Variants in NPM1 observed in about 807,000 individuals in gnomAD.
NPM1 encodes nucleophosmin 1.
Under a neutral mutation model 44.1 loss-of-function variants are expected in NPM1, and 1 was observed. That is an observed-to-expected ratio of 0.02 (90% CI 0.01 to 0.11). The LOEUF (loss-of-function observed/expected upper bound fraction) is 0.11, where lower values mean the gene tolerates loss of function less well. NPM1 is among the 10% of genes least tolerant of loss of function. NPM1 has a pLI of 1.00. For missense variants in NPM1, 197 were observed against 347.8 expected, an observed-to-expected ratio of 0.57 and a Z score of 3.45; for synonymous variants, 126 against 111.8, an observed-to-expected ratio of 1.13 and a Z score of -0.80.
intron 9 of NPM1, chr5:171,406,434 G>C: frequency 6.2e-7 from 1 of 1,612,588 alleles, no homozygotes; most frequent in South Asian, 1.1e-5. Context: ...TGTAAATTAA[G>C]CCCAAAGATG....
chr5:171,397,797 G>T (rs1271686539), intron 6 of NPM1, among the ~76,000 whole-genome samples: 3 of 139,798 alleles, frequency 2.1e-5, no homozygotes, highest in Non-Finnish European at 3.1e-5. Flanking sequence ...TGCCTGGCAA[G>T]AATTCTTTTT....
intron 3 of NPM1, 104 bp downstream of exon 3, chr5:171,391,528 T>C (rs1225417501): frequency 1.4e-6 from 2 of 1,440,192 alleles, no homozygotes; most frequent in Non-Finnish European, 1.9e-6. Context: ...AGTGGTTCTT[T>C]ATCTTCTGTC....
chr5:171,387,419 G>A (rs932810447), upstream of NPM1, among the ~76,000 whole-genome samples: 2 of 152,182 alleles, frequency 1.3e-5, no homozygotes, highest in Non-Finnish European at 2.9e-5. Flanking sequence ...GGGGAAAGGT[G>A]AATCGAGGTG....
At chr5:171,397,329 C>T (rs79144986) in intron 6 of NPM1, among the ~76,000 whole-genome samples, 4,273 of 152,264 alleles carry the variant, frequency 0.028, 149 homozygotes, top group Admixed American at 0.1. Context: ...CTGCTATGAA[C>T]GCTTGTAGAC....
intron 6 of NPM1, among the ~76,000 whole-genome samples, chr5:171,398,028 G>A (rs1382289381): frequency 6.6e-6 from 1 of 151,842 alleles, no homozygotes; most frequent in East Asian, 1.9e-4. Flanking sequence ...CCTGAGGTCA[G>A]GCCCGCCTCG....
At chr5:171,389,320 T>A (rs1170806327) in intron 1 of NPM1, among the ~76,000 whole-genome samples, 10 of 152,240 alleles carry the variant, frequency 6.6e-5, no homozygotes, top group Non-Finnish European at 8.8e-5. Context: ...TAGATGATAG[T>A]TAAATGGAAT....
intron 9 of NPM1, chr5:171,405,828 C>T: frequency 5.1e-6 from 1 of 194,452 alleles, no homozygotes; most frequent in Admixed American, 5.8e-5. Context: ...CATGATTGAC[C>T]CTAGTCAGAA....
intron 9 of NPM1, 75 bp downstream of exon 9, chr5:171,405,478 G>A (rs956779154): frequency 9.9e-6 from 7 of 709,412 alleles, no homozygotes; most frequent in Non-Finnish European, 1.7e-5. Context: ...AGACTTGAAT[G>A]TTTCTTGTTT....
rs1010298175 is a variant in NPM1, at chr5:171,390,400, G to A, written c.138+270G>A. 2.6e-5 allele frequency among the ~76,000 whole-genome samples: 4 copies of A among 152,298 alleles called. 1 individual carries two copies. The highest frequency in any genetic ancestry group is 2.6e-4 in the Admixed American group (4 of 15,298). On this transcript the variant is annotated intron_variant, in intron 2 of 10. Coordinates refer to ENST00000296930, the MANE Select transcript of NPM1 (RefSeq NM_002520.7). ...TTACAAAGCCCTTGTAAAAGGCATC[G>A]ATAATCTTTCATGTCTACCAGAGAC...
chr5:171,409,230 A>G (rs888364888), intron 10 of NPM1, among the ~76,000 whole-genome samples: 1 of 152,226 alleles, frequency 6.6e-6, no homozygotes, highest in Non-Finnish European at 1.5e-5. Context: ...GAGATTATCA[A>G]AACTAAATGC....
At chr5:171,408,491 GTTTT>G (rs902088439) in intron 10 of NPM1, among the ~76,000 whole-genome samples, 1 of 151,740 alleles carries the variant, frequency 6.6e-6, no homozygotes, top group African/African-American at 2.4e-5. Flanking sequence ...CAATTAGCTG[GTTTT>G]TTTTCTGCCA....
intron 1 of NPM1, among the ~76,000 whole-genome samples, chr5:171,388,240 G>A (rs1005844849): frequency 1.3e-5 from 2 of 152,172 alleles, no homozygotes; most frequent in African/African-American, 4.8e-5. Context: ...TCTGGGGCGT[G>A]AGCGGTCCGA....
At chr5:171,402,210 G>A (rs1386008201) in intron 8 of NPM1, among the ~76,000 whole-genome samples, 1 of 149,906 alleles carries the variant, frequency 6.7e-6, no homozygotes, top group Non-Finnish European at 1.5e-5. Context: ...GACATAAACA[G>A]ACACTTTTCA....
chr5:171,393,781 T>C (rs1281590306), intron 6 of NPM1, among the ~76,000 whole-genome samples: 1 of 152,126 alleles, frequency 6.6e-6, no homozygotes, highest in East Asian at 1.9e-4. Flanking sequence ...TCAAAATCTT[T>C]GAGCATGACG....
intron 6 of NPM1, among the ~76,000 whole-genome samples, chr5:171,396,445 A>G (rs1364186081): frequency 2.0e-5 from 3 of 152,244 alleles, no homozygotes; most frequent in Admixed American, 6.5e-5. Flanking sequence ...ACTTGTACTG[A>G]CAAAATCACT....
At chr5:171,403,717 C>T (rs1265544177) in intron 8 of NPM1, among the ~76,000 whole-genome samples, 5 of 144,860 alleles carry the variant, frequency 3.5e-5, no homozygotes, top group East Asian at 4.2e-4. Flanking sequence ...CCGGACAGGG[C>T]GGCCGGCCGG....
chr5:171,392,840 G>C (rs1398792157), intron 5 of NPM1, 24 bp downstream of exon 5: 1 of 1,613,002 alleles, frequency 6.2e-7, no homozygotes, highest in Admixed American at 1.7e-5. Context: ...TTTTATTATA[G>C]GTTTTGTATT....
intron 2 of NPM1, among the ~76,000 whole-genome samples, chr5:171,390,687 C>T (rs1347949420): frequency 6.6e-6 from 1 of 151,720 alleles, no homozygotes; most frequent in Admixed American, 6.6e-5. Context: ...AATGGTGGTC[C>T]CATAAGATTA....
chr5:171,392,979 GT>G lies in NPM1; in HGVS notation c.524+2del. The G allele has an allele frequency of 6.2e-7, 1 of 1,609,110 alleles. No individual in the cohort carries two copies. The highest frequency in any genetic ancestry group is 1.7e-4 in the Middle Eastern group (1 of 6,030). On this transcript the variant is annotated splice_donor_variant, in intron 6 of 10. Transcript: ENST00000296930. LOFTEE classifies it high-confidence loss of function. ...ATGATGAAGAGGATGATGATGAAGAGTAAGTATGATTTTAGAAACTTGATAT... is the reference window on the plus strand; with the variant it reads ...ATGATGAAGAGGATGATGATGAAGAGAAGTATGATTTTAGAAACTTGATAT...
Sources: allele counts gnomAD v4.1 joint callset (sites outside exome capture counted in the v4.1 genomes callset), GRCh38; gene constraint gnomAD v4.1.1; transcripts MANE v1.5; gene names NCBI Gene and HGNC (gene_info 2026-07-23, HGNC 2026-07-21).